AGTR1: variants seen among roughly 807,000 people sequenced by gnomAD.
The protein encoded by AGTR1 is angiotensin II receptor type 1, also known as type-1 angiotensin II receptor.
Under a neutral mutation model 19.4 loss-of-function variants are expected in AGTR1, and 16 were observed. The observed-to-expected ratio is 0.82, with a 90% CI of 0.56 to 1.25. The LOEUF (loss-of-function observed/expected upper bound fraction) is 1.25, where lower values mean the gene tolerates loss of function less well. Among genes scored for constraint, AGTR1 ranks in the 50% most tolerant of loss-of-function variants. The pLI is 0.00. For missense variants in AGTR1, 373 were observed against 431.9 expected, an observed-to-expected ratio of 0.86 and a Z score of 1.21; for synonymous variants, 153 against 154.9, an observed-to-expected ratio of 0.99 and a Z score of 0.09.
intron 2 of AGTR1, among the ~76,000 whole-genome samples, chr3:148,713,822 G>T (rs1005753646): frequency 2.6e-5 from 4 of 152,122 alleles, no homozygotes; most frequent in African/African-American, 9.7e-5. Context: ...AAATCTGAAT[G>T]GTTTTACGTA....
intron 2 of AGTR1, among the ~76,000 whole-genome samples, chr3:148,736,601 G>T (rs559513510): frequency 6.6e-6 from 1 of 152,246 alleles, no homozygotes; most frequent in African/African-American, 2.4e-5. Context: ...AAGATCATGT[G>T]CAATAAATAT....
intron 2 of AGTR1, chr3:148,730,292 C>G (rs1714177279): frequency 5.0e-6 from 2 of 397,880 alleles, no homozygotes; most frequent in Non-Finnish European, 8.9e-6. Context: ...GCTCTTCCCA[C>G]TGTCTTAACT....
chr3:148,741,044 C>T lies in AGTR1; in HGVS notation c.9C>T (p.Leu3=). The T allele has an allele frequency of 6.2e-7, 1 of 1,613,650 alleles. No individual in the cohort carries two copies. The highest frequency in any genetic ancestry group is 8.5e-7 in the Non-Finnish European group (1 of 1,179,716). ...CGACCCAGGTGATCAAAATGATTCT[C>T]AACTCTTCTACTGAAGATGGTATTA... MI[L]NSSTEDGIKR... Residue 3 remains leucine, a synonymous_variant, in exon 3 of 3, where the codon CTC becomes CTT. Transcript: ENST00000349243.
chr3:148,730,165 A>G (rs1370259597), intron 2 of AGTR1: 1 of 398,218 alleles, frequency 2.5e-6, no homozygotes, highest in African/African-American at 2.1e-5. Context: ...TATTATTATT[A>G]TCATCATTTT....
At chr3:148,723,175 A>G (rs1223676581) in intron 2 of AGTR1, among the ~76,000 whole-genome samples, 2 of 152,066 alleles carry the variant, frequency 1.3e-5, no homozygotes, top group Non-Finnish European at 2.9e-5. Flanking sequence ...CACTTTTTTT[A>G]TGTGTGTGTA....
intron 2 of AGTR1, among the ~76,000 whole-genome samples, chr3:148,740,579 A>G (rs1714817850): frequency 6.6e-6 from 1 of 152,238 alleles, no homozygotes; most frequent in South Asian, 2.1e-4. Flanking sequence ...GAGGTTAATG[A>G]TAAATGAATT....
At chr3:148,703,443 G>A (rs1329995603) in intron 1 of AGTR1, among the ~76,000 whole-genome samples, 2 of 152,176 alleles carry the variant, frequency 1.3e-5, no homozygotes, top group Non-Finnish European at 1.5e-5. Flanking sequence ...GAATAATTAT[G>A]AAGAGGTGTT....
intron 2 of AGTR1, among the ~76,000 whole-genome samples, chr3:148,739,103 A>G (rs935512599): frequency 6.6e-6 from 1 of 152,222 alleles, no homozygotes; most frequent in Admixed American, 6.5e-5. Flanking sequence ...TCACGCCTGT[A>G]ATTCCAACAT....
At position 148,741,654 on chromosome 3, in the gene AGTR1, C is replaced by G; in HGVS notation, c.619C>G (p.Pro207Ala). The G allele has an allele frequency of 1.2e-6, 2 of 1,614,054 alleles. No homozygotes were observed. Among genetic ancestry groups the G allele is most frequent in the Non-Finnish European group, 1.7e-6 (2 of 1,179,970 alleles). Residue 207 changes from proline to alanine, a missense_variant, in exon 3 of 3, where the codon CCT becomes GCT. Physicochemically the swap from Pro to Ala is conservative, Grantham distance 27 (BLOSUM62 -1). Transcript: ENST00000349243. ...LTKNILGFLF[P>A]FLIILTSYTL... The stretch of plus-strand genomic sequence containing the variant: ...CAAAAATATACTGGGTTTCCTGTTT[C>G]CTTTTCTGATCATTCTTACAAGTTA...
chr3:148,718,236 T>C (rs1230885299), intron 2 of AGTR1, among the ~76,000 whole-genome samples: 1 of 152,222 alleles, frequency 6.6e-6, no homozygotes, highest in Non-Finnish European at 1.5e-5. Flanking sequence ...TATGAAAATC[T>C]AGCATCAGAA....
chr3:148,712,568 T>A (rs1397543276), intron 2 of AGTR1, among the ~76,000 whole-genome samples: 1 of 152,084 alleles, frequency 6.6e-6, no homozygotes, highest in East Asian at 1.9e-4. Flanking sequence ...TACTCCCAGG[T>A]CAAAAAGGAA....
At chr3:148,720,804 G>A (rs1323993491) in intron 2 of AGTR1, among the ~76,000 whole-genome samples, 2 of 152,166 alleles carry the variant, frequency 1.3e-5, no homozygotes, top group Non-Finnish European at 2.9e-5. Context: ...AAATGTTAAT[G>A]TACTGATTAT....
chr3:148,707,379 G>A (rs571893779), intron 1 of AGTR1, among the ~76,000 whole-genome samples: 1 of 152,154 alleles, frequency 6.6e-6, no homozygotes, highest in South Asian at 2.1e-4. Context: ...GTAATAGAGG[G>A]TAAGGATATG....
intron 2 of AGTR1, among the ~76,000 whole-genome samples, chr3:148,728,725 A>G (rs1372140914): frequency 1.3e-5 from 2 of 152,240 alleles, no homozygotes; most frequent in African/African-American, 4.8e-5. Flanking sequence ...AGCTTCACCT[A>G]TCTGGCAGGA....
chr3:148,709,854 T>C (rs932103067), intron 2 of AGTR1, among the ~76,000 whole-genome samples: 9 of 152,200 alleles, frequency 5.9e-5, no homozygotes, highest in Admixed American at 5.9e-4. Context: ...TGCTGAAATC[T>C]ACTCATGACA....
At chr3:148,723,221 A>G (rs530971473) in intron 2 of AGTR1, among the ~76,000 whole-genome samples, 1 of 152,364 alleles carries the variant, frequency 6.6e-6, no homozygotes, top group Non-Finnish European at 1.5e-5. Context: ...TAGGAAATAC[A>G]TTAGTATCAA....
chr3:148,727,276 A>G, intron 2 of AGTR1, among the ~76,000 whole-genome samples: 1 of 152,198 alleles, frequency 6.6e-6, no homozygotes, highest in East Asian at 1.9e-4. Flanking sequence ...GTTTCTAATG[A>G]AAGCCTTGAT....
At chr3:148,717,570 T>C (rs1576529387) in intron 2 of AGTR1, among the ~76,000 whole-genome samples, 1 of 152,340 alleles carries the variant, frequency 6.6e-6, no homozygotes, top group Non-Finnish European at 1.5e-5. Flanking sequence ...ATTATAGCTT[T>C]ATACTGATAC....
chr3:148,722,696 C>T (rs938110208), intron 2 of AGTR1, among the ~76,000 whole-genome samples: 2 of 152,196 alleles, frequency 1.3e-5, no homozygotes, highest in Non-Finnish European at 2.9e-5. Flanking sequence ...CAGTCATCAA[C>T]ATGGCACCTT....
Sources: gnomAD v4.1 joint callset for allele counts (sites outside exome capture counted in the v4.1 genomes callset) on GRCh38, gnomAD v4.1.1 for gene constraint, MANE v1.5 for transcripts, NCBI Gene and HGNC (gene_info 2026-07-23, HGNC 2026-07-21) for gene names.